Variants in CDIN1 observed in about 807,000 individuals in gnomAD.
The protein encoded by CDIN1 is CDAN1 interacting nuclease 1, also known as CDAN1-interacting nuclease 1.
CDIN1 carries 33 observed loss-of-function variants against 45.3 expected under a neutral mutation model. The ratio of observed to expected loss-of-function variants is 0.73; its 90% CI spans 0.55 to 0.97. CDIN1 has a LOEUF of 0.97. Among genes scored for constraint, CDIN1 ranks in the 50% least tolerant of loss-of-function variants. CDIN1 has a pLI of 0.00. For synonymous variants in CDIN1, 118 were observed against 124.4 expected, an observed-to-expected ratio of 0.95 and a Z score of 0.34; for missense variants, 303 against 339.4, an observed-to-expected ratio of 0.89 and a Z score of 0.84.
intron 10 of CDIN1, among the ~76,000 whole-genome samples, chr15:36,753,826 C>T (rs2053537698): frequency 6.6e-6 from 1 of 151,922 alleles, no homozygotes; most frequent in Non-Finnish European, 1.5e-5. Flanking sequence ...CCCCTTTTCA[C>T]CCCCCAGAAA....
intron 5 of CDIN1, among the ~76,000 whole-genome samples, chr15:36,679,335 G>A (rs1381735094): frequency 2.0e-5 from 3 of 152,168 alleles, no homozygotes; most frequent in Non-Finnish European, 4.4e-5. Context: ...AACATCCCAA[G>A]TCTCAAACAG....
intron 3 of CDIN1, among the ~76,000 whole-genome samples, chr15:36,647,125 G>C (rs571218776): frequency 2.7e-5 from 4 of 148,690 alleles, no homozygotes; most frequent in African/African-American, 1.0e-4. Context: ...CTGGCCTCAG[G>C]CAATCCTACT....
intron 1 of CDIN1, chr15:36,591,841 A>C (rs2037590179): frequency 6.6e-6 from 1 of 152,078 alleles, no homozygotes. Flanking sequence ...TGGATGCAAA[A>C]CTCTCCATTC....
chr15:36,598,673 C>G (rs1314395237), intron 1 of CDIN1, among the ~76,000 whole-genome samples: 1 of 151,848 alleles, frequency 6.6e-6, no homozygotes, highest in Non-Finnish European at 1.5e-5. Flanking sequence ...CCCTCCCTTC[C>G]TCCCTTTCTA....
intron 10 of CDIN1, among the ~76,000 whole-genome samples, chr15:36,720,169 T>C (rs2043357657): frequency 6.6e-6 from 1 of 150,798 alleles, no homozygotes; most frequent in Non-Finnish European, 1.5e-5. Context: ...GCTCTTCTTT[T>C]TCTAATTTCC....
intron 1 of CDIN1, among the ~76,000 whole-genome samples, chr15:36,590,176 G>T (rs1235546687): frequency 6.6e-6 from 1 of 152,042 alleles, no homozygotes; most frequent in African/African-American, 2.4e-5. Flanking sequence ...AAGTTTGTTT[G>T]CTTTTTTTAA....
chr15:36,682,292 A>G (rs1192328233), intron 5 of CDIN1, among the ~76,000 whole-genome samples: 1 of 152,176 alleles, frequency 6.6e-6, no homozygotes, highest in African/African-American at 2.4e-5. Flanking sequence ...GTTAGAGTTC[A>G]CAGACAGGAA....
chr15:36,657,971 C>A, intron 5 of CDIN1, 66 bp downstream of exon 5: 1 of 1,354,826 alleles, frequency 7.4e-7, no homozygotes, highest in Non-Finnish European at 1.0e-6. Flanking sequence ...ATAATTTACA[C>A]AGCATTTCAA....
intron 1 of CDIN1, among the ~76,000 whole-genome samples, chr15:36,622,374 G>GGT (rs1376895328): frequency 1.3e-5 from 2 of 152,220 alleles, no homozygotes; most frequent in East Asian, 3.9e-4. Flanking sequence ...AACCCAAGCA[G>GGT]GTGTCTCATT....
intron 1 of CDIN1, among the ~76,000 whole-genome samples, chr15:36,636,945 C>A (rs963056872): frequency 6.6e-6 from 1 of 152,048 alleles, no homozygotes; most frequent in Non-Finnish European, 1.5e-5. Context: ...GAAAAGTACG[C>A]AAGAATGGAG....
intron 3 of CDIN1, among the ~76,000 whole-genome samples, chr15:36,651,633 C>T (rs6495862): frequency 0.95 from 145,175 of 152,082 alleles, 69,297 homozygotes; most frequent in East Asian, 1. Context: ...AGCAGATCCA[C>T]CATGTTCAAT....
chr15:36,677,653 ATGAT>A (rs1311481953), intron 5 of CDIN1, among the ~76,000 whole-genome samples: 3 of 152,208 alleles, frequency 2.0e-5, no homozygotes, highest in Non-Finnish European at 4.4e-5. Context: ...CAAGTGCCCA[ATGAT>A]TGATACACAA....
chr15:36,580,053 A>G (rs2036970759), intron 1 of CDIN1, 92 bp downstream of exon 1: 5 of 1,106,584 alleles, frequency 4.5e-6, no homozygotes, highest in Non-Finnish European at 6.5e-6. Context: ...CGTGTCACAC[A>G]TGAGTGGGGA....
At chr15:36,611,317 A>G (rs373851355) in intron 1 of CDIN1, among the ~76,000 whole-genome samples, 15 of 152,354 alleles carry the variant, frequency 9.8e-5, no homozygotes, top group Admixed American at 3.3e-4. Context: ...GGGGAGGCTG[A>G]GTCCTGTGCT....
At chr15:36,660,838 A>G (rs2040983398) in intron 5 of CDIN1, among the ~76,000 whole-genome samples, 1 of 152,196 alleles carries the variant, frequency 6.6e-6, no homozygotes, top group Non-Finnish European at 1.5e-5. Flanking sequence ...CCATCATCCT[A>G]TGATTATTAC....
At chr15:36,700,702 T>C (rs1326283981) in intron 8 of CDIN1, among the ~76,000 whole-genome samples, 1 of 143,780 alleles carries the variant, frequency 7.0e-6, no homozygotes, top group Non-Finnish European at 1.5e-5. Context: ...GAACCAAACT[T>C]TTTTTTTTTA....
chr15:36,596,115 TCAAA>T (rs1406563360), intron 1 of CDIN1, among the ~76,000 whole-genome samples: 1 of 151,600 alleles, frequency 6.6e-6, no homozygotes, highest in African/African-American at 2.4e-5. Flanking sequence ...AAAAGGAAAC[TCAAA>T]CAAAATAATT....
At chr15:36,654,427 C>T (rs1016433844) in intron 4 of CDIN1, among the ~76,000 whole-genome samples, 2 of 148,888 alleles carry the variant, frequency 1.3e-5, no homozygotes, top group African/African-American at 5.0e-5. Flanking sequence ...AAAATTTCAA[C>T]CAAACAGCTC....
At chr15:36,642,095 C>G (rs1172028711) in intron 1 of CDIN1, 1 of 152,222 alleles carries the variant, frequency 6.6e-6, no homozygotes, top group Admixed American at 6.5e-5. Context: ...TCATGGGACT[C>G]TGATCCTCTC....
Sources: allele counts gnomAD v4.1 joint callset (sites outside exome capture counted in the v4.1 genomes callset), GRCh38; gene constraint gnomAD v4.1.1; transcripts MANE v1.5; gene names NCBI Gene and HGNC (gene_info 2026-07-23, HGNC 2026-07-21).